OVCH1: variants seen among roughly 807,000 people sequenced by gnomAD.
OVCH1 encodes ovochymase-1.
OVCH1 carries 139 observed loss-of-function variants against 138.4 expected under a neutral mutation model. The ratio of observed to expected loss-of-function variants is 1.00; its 90% CI spans 0.87 to 1.16. The LOEUF is 1.16. Among genes scored for constraint, OVCH1 ranks in the 50% most tolerant of loss-of-function variants. The pLI is 0.00. For synonymous variants in OVCH1, 453 were observed against 467.8 expected, an observed-to-expected ratio of 0.97 and a Z score of 0.41; for missense variants, 1,367 against 1,357.9, an observed-to-expected ratio of 1.01 and a Z score of -0.11.
intron 4 of OVCH1, 140 bp from the exon 5 acceptor site, chr12:29,491,332 T>A: frequency 1.4e-6 from 1 of 706,856 alleles, no homozygotes; most frequent in African/African-American, 1.8e-5. Context: ...TTTTGGCCCC[T>A]CCATATAAAA....
exon 20 of OVCH1, chr12:29,455,362 G>A (rs1023379278): frequency 3.7e-6 from 6 of 1,613,514 alleles, no homozygotes; most frequent in Non-Finnish European, 4.2e-6. Flanking sequence ...GAGGACAAAG[G>A]GACCATTTTC....
chr12:29,492,801 C>T (rs908590179), intron 4 of OVCH1, among the ~76,000 whole-genome samples: 2 of 152,034 alleles, frequency 1.3e-5, no homozygotes, highest in African/African-American at 4.8e-5. Context: ...GCCTGGGGCA[C>T]TCCAACAATA....
intron 7 of OVCH1, 48 bp from the exon 8 acceptor site, chr12:29,486,396 AAAT>A (rs1943108430): frequency 2.2e-6 from 3 of 1,382,416 alleles, no homozygotes; most frequent in Non-Finnish European, 3.0e-6. Context: ...ATAATCATTT[AAAT>A]AAAACATTTT....
At chr12:29,434,531 T>C (rs1050587374) in intron 26 of OVCH1, among the ~76,000 whole-genome samples, 1 of 151,710 alleles carries the variant, frequency 6.6e-6, no homozygotes, top group Admixed American at 6.6e-5. Flanking sequence ...AACATACATA[T>C]GGAACAAAAG....
intron 16 of OVCH1, among the ~76,000 whole-genome samples, chr12:29,467,285 T>C (rs886078527): frequency 1.3e-5 from 2 of 152,204 alleles, no homozygotes; most frequent in African/African-American, 4.8e-5. Context: ...ATAAGAATGA[T>C]GGTAGAATTG....
chr12:29,486,203 T>C, intron 8 of OVCH1, 47 bp downstream of exon 8: 2 of 1,522,084 alleles, frequency 1.3e-6, no homozygotes, highest in Non-Finnish European at 1.8e-6. Flanking sequence ...TTTCCTCTGA[T>C]GACTTTCTTC....
chr12:29,451,357 TCTTA>T lies in OVCH1; in HGVS notation c.2739_2742del (p.Ser913ArgfsTer16). Reference sequence around the variant, plus strand: ...CAGGAAGGATTACCTGCCGTCTTTCTCTTACTGTGTCTTTCTTCATAAATAATTA... The same window carrying T: ...CAGGAAGGATTACCTGCCGTCTTTCTCTGTGTCTTTCTTCATAAATAATTA... On this transcript the variant is annotated frameshift_variant, in exon 22 of 28. Transcript: ENST00000318184. LOFTEE classifies it high-confidence loss of function. The T allele has an allele frequency of 6.2e-7, 1 of 1,612,348 alleles. No homozygotes were observed. Among genetic ancestry groups the T allele is most frequent in the South Asian group, 1.1e-5 (1 of 90,976 alleles).
chr12:29,424,218 G>T (rs935008874), downstream of OVCH1, among the ~76,000 whole-genome samples: 1 of 152,216 alleles, frequency 6.6e-6, no homozygotes, highest in Non-Finnish European at 1.5e-5. Flanking sequence ...ATAAAGGGAT[G>T]GGTTTGGCTA....
At chr12:29,425,866 C>T (rs1565564697), downstream of OVCH1, 1 of 152,170 alleles carries the variant, frequency 6.6e-6, no homozygotes, top group Non-Finnish European at 1.5e-5. Flanking sequence ...TATGATCCTT[C>T]TGTCTTCTCT....
intron 15 of OVCH1, 53 bp from the exon 16 acceptor site, chr12:29,472,035 ACTC>A: frequency 7.3e-6 from 11 of 1,500,632 alleles, no homozygotes; most frequent in Non-Finnish European, 9.9e-6. Flanking sequence ...TTTAGAACAT[ACTC>A]CTCCAATAGC....
intron 3 of OVCH1, among the ~76,000 whole-genome samples, chr12:29,415,681 T>C (rs1592021525): frequency 6.6e-6 from 1 of 152,146 alleles, no homozygotes; most frequent in Non-Finnish European, 1.5e-5. Context: ...TGGAGAGACA[T>C]ATTGTTCATG....
At chr12:29,491,174 A>C (rs1943262984) in exon 5 of OVCH1, 1 of 1,613,566 alleles carries the variant, frequency 6.2e-7, no homozygotes, top group African/African-American at 1.3e-5. Flanking sequence ...AGGAAGACAG[A>C]TTGGCTGAAC....
At chr12:29,413,024 C>CTTTTTTTTTTTTT (rs35540929) in intron 3 of OVCH1, among the ~76,000 whole-genome samples, 1 of 140,926 alleles carries the variant, frequency 7.1e-6, no homozygotes, top group Non-Finnish European at 1.6e-5. Context: ...CCAGCTAATT[C>CTTTTTTTTTTTTT]TTTTTTTTTT....
At chr12:29,423,040 A>G (rs915766329), downstream of OVCH1, 3 of 292,950 alleles carry the variant, frequency 1.0e-5, no homozygotes, top group Non-Finnish European at 1.3e-5. Context: ...GGAGACTACT[A>G]GTGACCCTTA....
chr12:29,407,270 G>C, the OVCH1 span, among the ~76,000 whole-genome samples: 63 of 131,162 alleles, frequency 4.8e-4, 4 homozygotes, highest in African/African-American at 1.3e-3. Flanking sequence ...TGTTCACTCT[G>C]ATGGTAGTTT....
chr12:29,453,278 C>T (rs1014122442), intron 21 of OVCH1, among the ~76,000 whole-genome samples: 1 of 152,136 alleles, frequency 6.6e-6, no homozygotes, highest in Non-Finnish European at 1.5e-5. Flanking sequence ...CTCATGTTGC[C>T]AGACAAATGG....
chr12:29,491,478 GT>G, intron 4 of OVCH1, among the ~76,000 whole-genome samples: 1 of 152,296 alleles, frequency 6.6e-6, no homozygotes, highest in Middle Eastern at 3.4e-3. Flanking sequence ...TGAAAGGGTA[GT>G]TTTTCACTTG....
chr12:29,404,160 T>G, the OVCH1 span, among the ~76,000 whole-genome samples: 1 of 152,248 alleles, frequency 6.6e-6, no homozygotes, highest in Non-Finnish European at 1.5e-5. Context: ...TGTACCACAC[T>G]GCTCTTTCAG....
intron 11 of OVCH1, 47 bp from the exon 12 acceptor site, chr12:29,477,279 T>C: frequency 6.2e-7 from 1 of 1,612,968 alleles, no homozygotes; most frequent in Non-Finnish European, 8.5e-7. Flanking sequence ...AAAGACATTT[T>C]CTCCTCTTCC....
Sources: gnomAD v4.1 joint callset for allele counts (sites outside exome capture counted in the v4.1 genomes callset) on GRCh38, gnomAD v4.1.1 for gene constraint, MANE v1.5 for transcripts, NCBI Gene and HGNC (gene_info 2026-07-23, HGNC 2026-07-21) for gene names.